CFAP91: variants seen among roughly 807,000 people sequenced by gnomAD.
CFAP91 encodes the protein cilia and flagella associated protein 91, also known as cilia- and flagella-associated protein 91.
CFAP91 carries 85 observed loss-of-function variants against 95.9 expected under a neutral mutation model. The ratio of observed to expected loss-of-function variants is 0.89; its 90% CI spans 0.74 to 1.06. The LOEUF (loss-of-function observed/expected upper bound fraction) is 1.06, where lower values mean the gene tolerates loss of function less well. CFAP91 is among the 50% of genes least tolerant of loss of function. The probability of loss-of-function intolerance (pLI) is 0.00; values close to 1 mark genes in which losing one functional copy is unlikely to be tolerated. For synonymous variants in CFAP91, 335 were observed against 327.5 expected (o/e 1.02, Z -0.25); for missense variants, 962 against 943.4 (o/e 1.02, Z -0.26).
chr3:119,709,645 C>T (rs894509844), intron 4 of CFAP91, among the ~76,000 whole-genome samples, 194 bp from the exon 5 acceptor site: 1 of 152,144 alleles, frequency 6.6e-6, no homozygotes, highest in African/African-American at 2.4e-5. Context: ...ATGGGCCAGA[C>T]CTGGGAATCT....
intron 17 of CFAP91, among the ~76,000 whole-genome samples, chr3:119,764,253 CTTCAGGACA>C (rs1364913060): frequency 6.6e-6 from 1 of 152,104 alleles, no homozygotes; most frequent in Non-Finnish European, 1.5e-5. Flanking sequence ...GATAACTGCT[CTTCAGGACA>C]TTCATAAGCA....
chr3:119,713,415 G>A (rs570460976), intron 5 of CFAP91, among the ~76,000 whole-genome samples: 3 of 144,714 alleles, frequency 2.1e-5, no homozygotes, highest in South Asian at 2.2e-4. Context: ...ACTGTACCTC[G>A]CCCTTTTTTT....
At chr3:119,732,224 G>C (rs183293515) in intron 8 of CFAP91, 70 bp from the exon 9 acceptor site, 1 of 1,226,376 alleles carries the variant, frequency 8.2e-7, no homozygotes, top group East Asian at 2.5e-5. Context: ...ACTAGCATTG[G>C]CTTACTCTTC....
At chr3:119,730,600 T>TTG (rs1559757137) in intron 8 of CFAP91, among the ~76,000 whole-genome samples, 1 of 95,358 alleles carries the variant, frequency 1.0e-5, no homozygotes, top group African/African-American at 3.9e-5. Context: ...GTTACTGAGA[T>TTG]AGTGTGTGTG....
At chr3:119,728,641 C>CT (rs1163253586) in intron 7 of CFAP91, among the ~76,000 whole-genome samples, 1 of 152,176 alleles carries the variant, frequency 6.6e-6, no homozygotes, top group Non-Finnish European at 1.5e-5. Context: ...TCACTACACT[C>CT]TCGCCCCTCT....
intron 10 of CFAP91, among the ~76,000 whole-genome samples, chr3:119,736,961 C>T (rs753798773): frequency 3.3e-5 from 5 of 152,058 alleles, no homozygotes; most frequent in Non-Finnish European, 7.4e-5. Context: ...CTCAGCCTCC[C>T]GAGTAGCTGG....
chr3:119,739,172 CT>C, intron 11 of CFAP91, 82 bp from the exon 12 acceptor site: 2 of 1,191,158 alleles, frequency 1.7e-6, no homozygotes, highest in East Asian at 4.7e-5. Context: ...GTCTGTTTTG[CT>C]TGAAATAAGT....
At position 119,734,232 on chromosome 3, in the gene CFAP91, T is replaced by C. The variant is rs1426504570; in HGVS notation, c.1344+726T>C. ...CGAGGCCCACTGTTTTATAATACACTCTCATCACTGGCCCATGCATGCTTG... is the reference window on the plus strand; with the variant it reads ...CGAGGCCCACTGTTTTATAATACACCCTCATCACTGGCCCATGCATGCTTG... On this transcript the variant is annotated intron_variant, in intron 10 of 17. Coordinates refer to ENST00000273390, the MANE Select transcript of CFAP91 (RefSeq NM_033364.4). Among the ~76,000 whole-genome samples, 4 of 152,300 alleles carry C rather than the reference T, an allele frequency of 2.6e-5. No individual in the cohort carries two copies. The East Asian group carries it at 7.7e-4, about 29-fold the overall frequency.
chr3:119,736,273 T>TTTTCTTTC (rs2054003059), intron 10 of CFAP91, among the ~76,000 whole-genome samples: 1 of 141,058 alleles, frequency 7.1e-6, no homozygotes, highest in African/African-American at 2.7e-5. Context: ...CTATTGTTTT[T>TTTTCTTTC]TTTTTTTTTT....
At chr3:119,718,945 G>A (rs1475674238) in intron 6 of CFAP91, among the ~76,000 whole-genome samples, 3 of 150,842 alleles carry the variant, frequency 2.0e-5, no homozygotes, top group Non-Finnish European at 1.5e-5. Context: ...TTCTGCTAAC[G>A]GAAATGCATA....
chr3:119,756,981 C>T (rs1226055827), intron 17 of CFAP91, among the ~76,000 whole-genome samples: 2 of 152,116 alleles, frequency 1.3e-5, no homozygotes, highest in African/African-American at 4.8e-5. Context: ...AAAAATCATA[C>T]TAAATTATAT....
rs1479610851 is a variant in CFAP91, at chr3:119,766,399, T to C, written c.*1349T>C. The C allele has an allele frequency of 2.0e-5, 3 of 152,166 alleles. No homozygotes were observed. Among genetic ancestry groups the C allele is most frequent in the African/African-American group, 7.2e-5 (3 of 41,442 alleles). The allele number at this position is 152,166 out of a possible 1,614,324, so 9.4% of individuals were successfully genotyped here. Reference sequence around the variant, plus strand: ...CAAAACTAGGATTGGGACACCTTTTTTTCCCCCTGAGGATCACTGACAAAA... The same window carrying C: ...CAAAACTAGGATTGGGACACCTTTTCTTCCCCCTGAGGATCACTGACAAAA... On this transcript the variant is annotated 3_prime_UTR_variant, in exon 18 of 18. Transcript: ENST00000273390.
intron 5 of CFAP91, among the ~76,000 whole-genome samples, chr3:119,714,138 G>A (rs1025812515): frequency 6.6e-6 from 1 of 151,970 alleles, no homozygotes; most frequent in Non-Finnish European, 1.5e-5. Flanking sequence ...AGAGACGGGC[G>A]GATCACGAGG....
At chr3:119,727,127 G>A (rs533908383) in intron 7 of CFAP91, among the ~76,000 whole-genome samples, 60 of 152,324 alleles carry the variant, frequency 3.9e-4, no homozygotes, top group Admixed American at 1.1e-3. Context: ...TGTCCTTTGT[G>A]CTAGGCTGTG....
At chr3:119,708,515 A>G (rs903101723) in intron 3 of CFAP91, 76 bp from the exon 4 acceptor site, 9 of 995,674 alleles carry the variant, frequency 9.0e-6, no homozygotes, top group Admixed American at 2.0e-5. Context: ...CCTACTCTAT[A>G]CACATAGAAA....
intron 17 of CFAP91, among the ~76,000 whole-genome samples, 180 bp downstream of exon 17, chr3:119,751,278 A>T (rs193028870): frequency 1.3e-4 from 20 of 152,322 alleles, no homozygotes; most frequent in African/African-American, 4.8e-4. Context: ...ATTATTAGAA[A>T]ATTAGAGTTG....
intron 6 of CFAP91, among the ~76,000 whole-genome samples, chr3:119,718,135 C>T (rs1007236714): frequency 6.6e-6 from 1 of 151,984 alleles, no homozygotes; most frequent in Non-Finnish European, 1.5e-5. Flanking sequence ...TGACCCACAA[C>T]AAATAAAGGA....
At chr3:119,703,405 T>G in intron 1 of CFAP91, 183 bp downstream of exon 1, 1 of 881,234 alleles carries the variant, frequency 1.1e-6, no homozygotes, top group Non-Finnish European at 1.7e-6. Flanking sequence ...CGCACTCAGG[T>G]TGGGGTCGGG....
chr3:119,709,629 A>C (rs573772314), intron 4 of CFAP91, among the ~76,000 whole-genome samples: 3 of 152,260 alleles, frequency 2.0e-5, no homozygotes, highest in Admixed American at 1.3e-4. Flanking sequence ...ATATGTACTG[A>C]ATCTCATGGG....
Sources: gnomAD v4.1 joint callset for allele counts (sites outside exome capture counted in the v4.1 genomes callset) on GRCh38, gnomAD v4.1.1 for gene constraint, MANE v1.5 for transcripts, NCBI Gene and HGNC (gene_info 2026-07-23, HGNC 2026-07-21) for gene names.